The following AK4 variants were observed in gnomAD, a reference collection of about 807,000 sequenced individuals.
AK4 encodes adenylate kinase 4, mitochondrial.
AK4 carries 13 observed loss-of-function variants against 24.6 expected under a neutral mutation model. That is an observed-to-expected ratio of 0.53 (90% confidence interval 0.34 to 0.84). The LOEUF is 0.84. AK4 is among the 40% of genes least tolerant of loss of function. The pLI is 0.01. For synonymous variants in AK4, 88 were observed against 107.0 expected (o/e 0.82, Z 1.10); for missense variants, 192 against 288.2 (o/e 0.67, Z 2.42).
intron 1 of AK4, among the ~76,000 whole-genome samples, chr1:65,152,834 A>G (rs1483879851): frequency 1.3e-5 from 2 of 152,188 alleles, no homozygotes; most frequent in Admixed American, 1.3e-4. Flanking sequence ...TTTGGTGCTC[A>G]TTAAGTATAA....
chr1:65,148,431 G>A lies in AK4; in HGVS notation c.24G>A (p.Ala8=), dbSNP rs755701681. ...CAATGGCTTCCAAACTCCTGCGCGCGGTCATCCTCGGGCCGCCCGGCTCGG... is the reference window on the plus strand; with the variant it reads ...CAATGGCTTCCAAACTCCTGCGCGCAGTCATCCTCGGGCCGCCCGGCTCGG... MASKLLR[A]VILGPPGSGK... Residue 8 remains alanine, a synonymous_variant, in exon 1 of 5, where the codon GCG becomes GCA. Coordinates refer to ENST00000327299, the MANE Select transcript of AK4 (RefSeq NM_013410.4). 3 of 1,556,014 alleles carry A rather than the reference G, an allele frequency of 1.9e-6. No individual in the cohort carries two copies. The highest frequency in any genetic ancestry group is 2.3e-5 in the South Asian group (2 of 85,284).
chr1:65,203,194 G>A (rs1442722348), intron 2 of AK4, among the ~76,000 whole-genome samples: 1 of 152,050 alleles, frequency 6.6e-6, no homozygotes, highest in East Asian at 1.9e-4. Context: ...AGCAAGCAAA[G>A]TTTTCTTTCT....
At chr1:65,209,636 C>G (rs886527721) in intron 2 of AK4, among the ~76,000 whole-genome samples, 2 of 152,094 alleles carry the variant, frequency 1.3e-5, no homozygotes, top group African/African-American at 4.8e-5. Flanking sequence ...AGAAGTACAC[C>G]TGAATTGCTT....
At chr1:65,166,907 G>A (rs1370950627) in intron 1 of AK4, among the ~76,000 whole-genome samples, 4 of 152,188 alleles carry the variant, frequency 2.6e-5, no homozygotes, top group African/African-American at 7.2e-5. Context: ...CAAGGCGGGC[G>A]GATCACTTGA....
chr1:65,149,963 G>A (rs750983960), intron 1 of AK4, among the ~76,000 whole-genome samples: 1 of 152,202 alleles, frequency 6.6e-6, no homozygotes. Flanking sequence ...TTTGTGTTTA[G>A]GTTGGGCTTC....
At chr1:65,202,018 TGA>T (rs1651676619) in intron 2 of AK4, among the ~76,000 whole-genome samples, 1 of 152,118 alleles carries the variant, frequency 6.6e-6, no homozygotes, top group South Asian at 2.1e-4. Context: ...ATATTAAAAA[TGA>T]GGGGGAGTTA....
chr1:65,223,793 GA>G (rs1430886677), intron 3 of AK4, among the ~76,000 whole-genome samples: 5 of 152,008 alleles, frequency 3.3e-5, no homozygotes, highest in Non-Finnish European at 5.9e-5. Flanking sequence ...TCAGGAGTTC[GA>G]GACCAGCCTG....
chr1:65,156,838 A>G (rs1358138061), intron 1 of AK4, among the ~76,000 whole-genome samples: 1 of 150,960 alleles, frequency 6.6e-6, no homozygotes, highest in Non-Finnish European at 1.5e-5. Flanking sequence ...TTACTTGAGA[A>G]TTGCTTGAAC....
chr1:65,198,087 T>G (rs1038097459), intron 2 of AK4, among the ~76,000 whole-genome samples: 4 of 152,206 alleles, frequency 2.6e-5, no homozygotes, highest in Admixed American at 2.0e-4. Flanking sequence ...AGGGCAGTAG[T>G]TTATCTTAGT....
chr1:65,185,817 G>T (rs146261492), intron 1 of AK4, among the ~76,000 whole-genome samples: 1 of 151,994 alleles, frequency 6.6e-6, no homozygotes, highest in Admixed American at 6.6e-5. Context: ...GTTTCTCCAT[G>T]TTGGTCAGGC....
intron 1 of AK4, among the ~76,000 whole-genome samples, chr1:65,150,271 TTC>T (rs72275469): frequency 2.3e-5 from 3 of 129,726 alleles, no homozygotes; most frequent in Admixed American, 7.2e-5. Flanking sequence ...TGTTCTCTCT[TTC>T]TCTCTCTCTC....
intron 1 of AK4, among the ~76,000 whole-genome samples, chr1:65,154,852 ATT>A (rs71056081): frequency 3.4e-5 from 5 of 146,904 alleles, no homozygotes; most frequent in East Asian, 4.0e-4. Flanking sequence ...CATAGGGAGA[ATT>A]TTTTTTTTTT....
At chr1:65,215,159 C>CTTTTT (rs746165086) in intron 2 of AK4, among the ~76,000 whole-genome samples, 1 of 146,170 alleles carries the variant, frequency 6.8e-6, no homozygotes, top group African/African-American at 2.6e-5. Context: ...CTTTTCTTTT[C>CTTTTT]TTTTCTTTCT....
rs7515786 is a variant in AK4, at chr1:65,225,240, G to T, written c.557+370G>T. Reference sequence around the variant, plus strand: ...TGGATAGAAGATTAGAAGACACTTGGTGTGTCCCTTCTTGAAGTGTCTGTA... The same window carrying T: ...TGGATAGAAGATTAGAAGACACTTGTTGTGTCCCTTCTTGAAGTGTCTGTA... On this transcript the variant is annotated intron_variant, in intron 4 of 4. Transcript: ENST00000327299. Among the ~76,000 whole-genome samples, 527 of 152,206 alleles carry T rather than the reference G, an allele frequency of 3.5e-3. 4 individuals carry two copies. Among genetic ancestry groups the T allele is most frequent in the African/African-American group, 0.012 (487 of 41,486 alleles).
At chr1:65,178,788 C>A (rs1650805409) in intron 1 of AK4, among the ~76,000 whole-genome samples, 1 of 152,154 alleles carries the variant, frequency 6.6e-6, no homozygotes, top group Non-Finnish European at 1.5e-5. Context: ...GGGTAGGAAC[C>A]ACAGTCGCAC....
intron 1 of AK4, among the ~76,000 whole-genome samples, chr1:65,190,458 G>GT (rs998391332): frequency 1.4e-5 from 2 of 138,046 alleles, no homozygotes; most frequent in African/African-American, 5.1e-5. Context: ...TTGGGGGGGG[G>GT]GCGGGAGGAG....
At chr1:65,154,562 A>ACTGT in intron 1 of AK4, 2 of 521,392 alleles carry the variant, frequency 3.8e-6, no homozygotes, top group Admixed American at 3.9e-5. Flanking sequence ...TCAAACCGGC[A>ACTGT]CTGTCTGATC....
intron 1 of AK4, among the ~76,000 whole-genome samples, chr1:65,152,360 C>CTCTCTATATATATA (rs1277948363): frequency 1.1e-4 from 3 of 27,958 alleles, no homozygotes; most frequent in Non-Finnish European, 2.1e-4. Context: ...CTCTCTCTCT[C>CTCTCTATATATATA]TATATATATA....
At chr1:65,160,801 C>T (rs527791388) in intron 1 of AK4, among the ~76,000 whole-genome samples, 1 of 152,082 alleles carries the variant, frequency 6.6e-6, no homozygotes, top group Admixed American at 6.5e-5. Flanking sequence ...CACTATATTG[C>T]CCAGGCTGGT....
Sources: gnomAD v4.1 joint callset for allele counts (sites outside exome capture counted in the v4.1 genomes callset) on GRCh38, gnomAD v4.1.1 for gene constraint, MANE v1.5 for transcripts, NCBI Gene and HGNC (gene_info 2026-07-23, HGNC 2026-07-21) for gene names.